The following MTREX variants were observed in gnomAD, a reference collection of about 807,000 sequenced individuals.
MTREX encodes Mtr4 exosome RNA helicase, also known as exosome RNA helicase MTR4.
MTREX carries 76 observed loss-of-function variants against 135.4 expected under a neutral mutation model. The ratio of observed to expected loss-of-function variants is 0.56; its 90% CI spans 0.47 to 0.68. The LOEUF is 0.68. Ranked by LOEUF, MTREX falls within the 30% of genes least tolerant of loss-of-function variation. The pLI is 0.00. For synonymous variants in MTREX, 404 were observed against 401.6 expected (o/e 1.01, Z -0.07); for missense variants, 920 against 1,262.1 (o/e 0.73, Z 4.11).
chr5:55,422,040 T>C (rs1240812022), intron 25 of MTREX, among the ~76,000 whole-genome samples: 3 of 152,184 alleles, frequency 2.0e-5, no homozygotes, highest in Non-Finnish European at 2.9e-5. Flanking sequence ...AATTTAATAA[T>C]TGTTAATAGT....
At chr5:55,382,239 GCTTC>G (rs1265466428) in intron 18 of MTREX, among the ~76,000 whole-genome samples, 1 of 151,072 alleles carries the variant, frequency 6.6e-6, no homozygotes, top group African/African-American at 2.4e-5. Flanking sequence ...TTCTTTTACT[GCTTC>G]CTTTTGTATC....
chr5:55,394,709 G>T (rs1437037898), intron 19 of MTREX, among the ~76,000 whole-genome samples: 2 of 152,108 alleles, frequency 1.3e-5, no homozygotes, highest in African/African-American at 4.8e-5. Flanking sequence ...GGGGACCCCT[G>T]AATTAGCCAG....
rs549747363 is a variant in MTREX at position 55,348,166 on chromosome 5, T to A, written c.1240+1022T>A. Among the ~76,000 whole-genome samples the A allele has an allele frequency of 2.6e-5, 4 of 152,234 alleles. No homozygotes were observed. The South Asian group carries it at 6.2e-4, about 24-fold the overall frequency. ...AATCCAATTTGAGGGACCCAGCACA[T>A]CTAGTGAGGGCCTTTTTTGTCGTGG... On this transcript the variant is annotated intron_variant, in intron 11 of 26. Transcript: ENST00000230640.
chr5:55,416,624 GAA>G (rs965856604), intron 25 of MTREX, among the ~76,000 whole-genome samples: 16 of 152,206 alleles, frequency 1.1e-4, no homozygotes, highest in African/African-American at 3.1e-4. Context: ...CAACTGAAGA[GAA>G]ATTTTAAATG....
chr5:55,407,124 G>C (rs1162968083), intron 22 of MTREX, among the ~76,000 whole-genome samples: 1 of 152,232 alleles, frequency 6.6e-6, no homozygotes, highest in Non-Finnish European at 1.5e-5. Context: ...CAGGACTAGA[G>C]AATTACAGGC....
intron 1 of MTREX, 108 bp downstream of exon 1, chr5:55,308,255 C>T (rs760397175): frequency 1.2e-5 from 16 of 1,300,148 alleles, no homozygotes; most frequent in Non-Finnish European, 1.6e-5. Context: ...CATTGAGTGG[C>T]GTTGGAAGTG....
At chr5:55,380,031 T>C (rs1750369984) in intron 18 of MTREX, among the ~76,000 whole-genome samples, 1 of 151,882 alleles carries the variant, frequency 6.6e-6, no homozygotes. Context: ...CGCCTCCCGG[T>C]TTCATGCCAT....
intron 21 of MTREX, among the ~76,000 whole-genome samples, chr5:55,402,822 ATG>A (rs147629671): frequency 4.8e-4 from 69 of 143,710 alleles, no homozygotes; most frequent in East Asian, 1.0e-3. Context: ...AGCACATTAT[ATG>A]TGTGTGTGTG....
In MTREX at chr5:55,320,219, C is replaced by CTT. The variant is rs375766049; in HGVS notation, c.135-2093_135-2092dup. ...ATTGTTTTACCCTTTATTAAAAAGT[C>CTT]TTTTTTTTTTTTTTTTGAGAGGGAG... On this transcript the variant is annotated intron_variant, in intron 1 of 26. Transcript: ENST00000230640. Among the ~76,000 whole-genome samples, 616 of 136,678 alleles carry CTT rather than the reference C, an allele frequency of 4.5e-3. 3 individuals carry two copies. Among genetic ancestry groups the CTT allele is most frequent in the Admixed American group, 6.8e-3 (93 of 13,650 alleles). 89.7% of individuals were successfully genotyped at this position (136,678 alleles called of 152,430 possible). A position where few individuals can be genotyped will look rare whatever the true frequency, so the allele number is the denominator to read the frequency against.
At chr5:55,392,210 A>G (rs1750581190) in intron 19 of MTREX, among the ~76,000 whole-genome samples, 1 of 152,100 alleles carries the variant, frequency 6.6e-6, no homozygotes, top group Non-Finnish European at 1.5e-5. Flanking sequence ...TGGTCAGCTC[A>G]TAATTGTGCA....
intron 16 of MTREX, among the ~76,000 whole-genome samples, chr5:55,374,265 TA>T (rs1750256954): frequency 1.1e-5 from 1 of 93,124 alleles, no homozygotes; most frequent in African/African-American, 5.3e-5. Flanking sequence ...AAAAAACATT[TA>T]TATATATATA....
intron 13 of MTREX, among the ~76,000 whole-genome samples, chr5:55,352,446 G>A (rs1749844844): frequency 6.6e-6 from 1 of 152,008 alleles, no homozygotes; most frequent in African/African-American, 2.4e-5. Flanking sequence ...TAGAGCAGTT[G>A]TATGTAAAGT....
intron 1 of MTREX, among the ~76,000 whole-genome samples, chr5:55,319,180 T>C (rs556097644): frequency 3.9e-5 from 6 of 152,340 alleles, no homozygotes; most frequent in Admixed American, 3.3e-4. Flanking sequence ...AATGAGAGCA[T>C]TCTTTTATGT....
chr5:55,379,101 G>T, intron 17 of MTREX, 26 bp from the exon 18 acceptor site: 2 of 1,548,084 alleles, frequency 1.3e-6, no homozygotes, highest in Non-Finnish European at 1.8e-6. Context: ...TTTGATTCTT[G>T]CTTACTTGCT....
chr5:55,368,889 C>A (rs1750149035), intron 16 of MTREX, among the ~76,000 whole-genome samples: 1 of 152,084 alleles, frequency 6.6e-6, no homozygotes, highest in Non-Finnish European at 1.5e-5. Flanking sequence ...TTTCCATAAG[C>A]AGATTTTTGA....
rs1022159466 is a variant in MTREX at position 55,408,525 on chromosome 5, T to C, written c.2646-1999T>C. Reference sequence around the variant, plus strand: ...AGTTTTTGACTTTTATTTATAAATATTTTAACTGTTAGTAAAGATTATAAT... The same window carrying C: ...AGTTTTTGACTTTTATTTATAAATACTTTAACTGTTAGTAAAGATTATAAT... On this transcript the variant is annotated intron_variant, in intron 22 of 26. Transcript: ENST00000230640. Among the ~76,000 whole-genome samples, 3 of 152,214 alleles carry C rather than the reference T, an allele frequency of 2.0e-5. No individual in the cohort carries two copies. The South Asian group carries it at 6.2e-4, about 32-fold the overall frequency.
rs1220114967 is a variant in MTREX at position 55,322,255 on chromosome 5, A to G, written c.135-72A>G. On this transcript the variant is annotated intron_variant, in intron 1 of 26. Transcript: ENST00000230640. Reference sequence around the variant, plus strand: ...TGACTTTCTGTTAATGGTATAGAGCAGTATTTTATGATGTTGCCCTTAAAG... The same window carrying G: ...TGACTTTCTGTTAATGGTATAGAGCGGTATTTTATGATGTTGCCCTTAAAG... 1.9e-5 allele frequency: 24 copies of G among 1,292,696 alleles called. No homozygotes were observed. The African/African-American group carries it at 3.3e-4, about 18-fold the overall frequency. 80.1% of individuals were successfully genotyped at this position (1,292,696 alleles called of 1,614,324 possible).
intron 6 of MTREX, among the ~76,000 whole-genome samples, 188 bp from the exon 7 acceptor site, chr5:55,341,493 A>G (rs1013264361): frequency 3.4e-4 from 51 of 152,194 alleles, no homozygotes; most frequent in African/African-American, 1.2e-3. Flanking sequence ...ATATACAACA[A>G]TGTAATATTG....
chr5:55,334,050 T>C (rs1219123097), intron 5 of MTREX, among the ~76,000 whole-genome samples: 1 of 152,122 alleles, frequency 6.6e-6, no homozygotes, highest in African/African-American at 2.4e-5. Context: ...GAAAACATTA[T>C]GCGTACTAAA....
Sources: gnomAD v4.1 joint callset for allele counts (sites outside exome capture counted in the v4.1 genomes callset) on GRCh38, gnomAD v4.1.1 for gene constraint, MANE v1.5 for transcripts, NCBI Gene and HGNC (gene_info 2026-07-23, HGNC 2026-07-21) for gene names.